The following CSMD1 variants were observed in gnomAD, a reference collection of about 807,000 sequenced individuals.
CSMD1 encodes CUB and sushi domain-containing protein 1.
CSMD1 carries 213 observed loss-of-function variants against 417.5 expected under a neutral mutation model. The ratio of observed to expected loss-of-function variants is 0.51; its 90% CI spans 0.46 to 0.57. The LOEUF (loss-of-function observed/expected upper bound fraction) is 0.57. Ranked by LOEUF, CSMD1 falls within the 20% of genes least tolerant of loss-of-function variation. The pLI is 0.00. For synonymous variants in CSMD1, 2,862 were observed against 1,736.8 expected (o/e 1.65, Z -16.11); for missense variants, 6,923 against 4,529.7 (o/e 1.53, Z -15.17).
chr8:4,020,794 CT>C (rs1563326818), intron 4 of CSMD1, among the ~76,000 whole-genome samples: 1 of 152,186 alleles, frequency 6.6e-6, no homozygotes, highest in Non-Finnish European at 1.5e-5. Context: ...AATGAGATTT[CT>C]TTTGAGAAAA....
At chr8:3,436,693 C>G (rs1814588167) in intron 12 of CSMD1, among the ~76,000 whole-genome samples, 1 of 152,018 alleles carries the variant, frequency 6.6e-6, no homozygotes, top group Admixed American at 6.6e-5. Context: ...ATACGCGACA[C>G]CTTAGAAACG....
At chr8:4,407,093 T>C (rs1805078873) in intron 3 of CSMD1, among the ~76,000 whole-genome samples, 1 of 152,146 alleles carries the variant, frequency 6.6e-6, no homozygotes, top group South Asian at 2.1e-4. Context: ...GGCGCTTTCA[T>C]ACTGTAGCAG....
chr8:3,790,494 G>C (rs1171174687), intron 5 of CSMD1, among the ~76,000 whole-genome samples: 1 of 152,148 alleles, frequency 6.6e-6, no homozygotes, highest in African/African-American at 2.4e-5. Flanking sequence ...GATGGTGAGA[G>C]TGATGGTAAT....
chr8:2,952,610 G>T (rs569413173), intron 65 of CSMD1, among the ~76,000 whole-genome samples: 1 of 152,046 alleles, frequency 6.6e-6, no homozygotes, highest in Non-Finnish European at 1.5e-5. Context: ...CACAACAGAG[G>T]CCCCCATTTT....
At chr8:4,064,819 T>G (rs1013041666) in intron 3 of CSMD1, among the ~76,000 whole-genome samples, 1 of 152,176 alleles carries the variant, frequency 6.6e-6, no homozygotes, top group African/African-American at 2.4e-5. Flanking sequence ...TTGTTATTTA[T>G]ATCTATATCA....
intron 7 of CSMD1, among the ~76,000 whole-genome samples, chr8:3,660,760 A>G (rs1242668746): frequency 6.6e-6 from 1 of 152,032 alleles, no homozygotes; most frequent in Non-Finnish European, 1.5e-5. Flanking sequence ...ACCTCAAATG[A>G]TCCACACACC....
At chr8:4,790,095 A>G (rs1797613684) in intron 1 of CSMD1, among the ~76,000 whole-genome samples, 1 of 152,332 alleles carries the variant, frequency 6.6e-6, no homozygotes, top group Non-Finnish European at 1.5e-5. Flanking sequence ...GTGGGAAAAT[A>G]CTAAGCTCCA....
At chr8:3,935,648 G>A (rs150011948) in intron 5 of CSMD1, among the ~76,000 whole-genome samples, 187 of 152,168 alleles carry the variant, frequency 1.2e-3, no homozygotes, top group African/African-American at 3.7e-3. Context: ...CCATATAAGT[G>A]GTAAAATTAG....
At chr8:4,418,558 A>G (rs964579175) in intron 3 of CSMD1, among the ~76,000 whole-genome samples, 2 of 152,222 alleles carry the variant, frequency 1.3e-5, no homozygotes, top group African/African-American at 4.8e-5. Flanking sequence ...TGGAAGCATT[A>G]TCTATTTTCT....
rs1323121928 is a variant in CSMD1 at position 3,091,660 on chromosome 8, A to T, written c.7141T>A (p.Ser2381Thr). The change falls in exon 48 of 70, where the codon TCT (serine) becomes ACT (threonine). Residue 2381 changes from serine (S) to threonine (T), a missense_variant and splice_region_variant. Physicochemically the swap from Ser to Thr is moderately conservative, Grantham distance 58 (BLOSUM62 1). Coordinates refer to ENST00000635120, the MANE Select transcript of CSMD1 (RefSeq NM_033225.6). Reference sequence around the variant, plus strand: ...ACTAGCAGAGGACTTTGCCCAGAAGAACCTAAGTGAAACAGAAAAACAAAA... The same window carrying T: ...ACTAGCAGAGGACTTTGCCCAGAAGTACCTAAGTGAAACAGAAAAACAAAA... Reference protein sequence around the residue: ...QFDALEVFDGSSGQSPLLVVL... With the variant: ...QFDALEVFDGTSGQSPLLVVL... The T allele has an allele frequency of 4.4e-6, 7 of 1,606,838 alleles. No individual in the cohort carries two copies. The highest frequency in any genetic ancestry group is 5.9e-6 in the Non-Finnish European group (7 of 1,178,384).
chr8:4,207,791 T>C (rs558520212), intron 3 of CSMD1, among the ~76,000 whole-genome samples: 2 of 152,086 alleles, frequency 1.3e-5, no homozygotes, highest in African/African-American at 4.8e-5. Flanking sequence ...GAACTGGCAA[T>C]AGCAAAAGTT....
intron 1 of CSMD1, among the ~76,000 whole-genome samples, chr8:4,752,547 T>C (rs1811400020): frequency 6.6e-6 from 1 of 152,176 alleles, no homozygotes; most frequent in Non-Finnish European, 1.5e-5. Context: ...TAAAACTCTG[T>C]ACCCAGATGC....
At chr8:4,300,528 T>A (rs1177968093) in intron 3 of CSMD1, among the ~76,000 whole-genome samples, 1 of 152,178 alleles carries the variant, frequency 6.6e-6, no homozygotes, top group Non-Finnish European at 1.5e-5. Context: ...TTACAGACTT[T>A]TTTTTACATT....
At chr8:3,820,978 G>T (rs1801703769) in intron 5 of CSMD1, among the ~76,000 whole-genome samples, 1 of 152,010 alleles carries the variant, frequency 6.6e-6, no homozygotes, top group Non-Finnish European at 1.5e-5. Context: ...GTGCAATGGT[G>T]CAAACTCGGT....
At chr8:3,066,907 A>G (rs7845867) in intron 49 of CSMD1, among the ~76,000 whole-genome samples, 121,960 of 152,142 alleles carry the variant, frequency 0.8, 49,139 homozygotes, top group East Asian at 0.84. Context: ...AGTGTCTTTG[A>G]TCAGGCTAAG....
rs13269242 is a variant in CSMD1 at position 4,032,508 on chromosome 8, G to A, written c.416-409C>T. On this transcript the variant is annotated intron_variant, in intron 3 of 69. Coordinates refer to ENST00000635120, the MANE Select transcript of CSMD1 (RefSeq NM_033225.6). ...GTGGCATAAGAAATACTGCAAGAGT[G>A]AATACTCATACCCTATTTATTTTTA... Among the ~76,000 whole-genome samples, 703 of 152,204 alleles carry A rather than the reference G, an allele frequency of 4.6e-3. 4 individuals are homozygous for A. Among genetic ancestry groups the A allele is most frequent in the Non-Finnish European group, 7.7e-3 (521 of 67,994 alleles).
At chr8:4,386,278 A>C (rs1803449085) in intron 3 of CSMD1, among the ~76,000 whole-genome samples, 1 of 151,746 alleles carries the variant, frequency 6.6e-6, no homozygotes, top group Non-Finnish European at 1.5e-5. Flanking sequence ...CCCGGTTATG[A>C]CTTCCATCCC....
intron 41 of CSMD1, among the ~76,000 whole-genome samples, chr8:3,139,955 T>A (rs1315393682): frequency 6.8e-6 from 1 of 148,132 alleles, no homozygotes; most frequent in Non-Finnish European, 1.5e-5. Flanking sequence ...CAGACTGGAG[T>A]GCAATGGTGT....
chr8:3,599,354 C>T (rs1801249762), intron 8 of CSMD1, among the ~76,000 whole-genome samples: 1 of 152,114 alleles, frequency 6.6e-6, no homozygotes, highest in African/African-American at 2.4e-5. Flanking sequence ...TGCAACACGG[C>T]ATTATTAACC....
Sources: allele counts gnomAD v4.1 joint callset (sites outside exome capture counted in the v4.1 genomes callset), GRCh38; gene constraint gnomAD v4.1.1; transcripts MANE v1.5; gene names NCBI Gene and HGNC (gene_info 2026-07-23, HGNC 2026-07-21).